Variants in DOCK3 observed in about 807,000 individuals in gnomAD.
DOCK3 encodes the protein dedicator of cytokinesis protein 3.
DOCK3 carries 60 observed loss-of-function variants against 265.6 expected under a neutral mutation model. The ratio of observed to expected loss-of-function variants is 0.23; its 90% CI spans 0.18 to 0.28. DOCK3 has a LOEUF of 0.28. Ranked by LOEUF, DOCK3 falls within the 10% of genes least tolerant of loss-of-function variation. DOCK3 has a pLI of 1.00. For synonymous variants in DOCK3, 881 were observed against 938.0 expected, an observed-to-expected ratio of 0.94 and a Z score of 1.11; for missense variants, 1,981 against 2,594.3, an observed-to-expected ratio of 0.76 and a Z score of 5.14.
intron 22 of DOCK3, among the ~76,000 whole-genome samples, chr3:51,250,031 G>A (rs923305122): frequency 1.3e-5 from 2 of 151,888 alleles, no homozygotes; most frequent in African/African-American, 4.8e-5. Context: ...AATGGATTAA[G>A]GGCGGTGCAA....
chr3:50,698,539 T>TTTTTTTTTTTTTTTTTTTTTTTTTTTTA (rs2035818370), intron 1 of DOCK3, among the ~76,000 whole-genome samples: 1 of 126,148 alleles, frequency 7.9e-6, no homozygotes, highest in Non-Finnish European at 1.6e-5. Flanking sequence ...TTTTTTTTTT[T>TTTTTTTTTTTTTTTTTTTTTTTTTTTTA]TTTGCTATAT....
chr3:51,233,434 C>T (rs1314493117), intron 19 of DOCK3, among the ~76,000 whole-genome samples: 3 of 151,962 alleles, frequency 2.0e-5, no homozygotes, highest in East Asian at 1.9e-4. Context: ...GGCGTGATCT[C>T]GGCTCACTGC....
intron 12 of DOCK3, among the ~76,000 whole-genome samples, chr3:51,206,291 A>G (rs781709673): frequency 2.0e-5 from 3 of 152,232 alleles, no homozygotes; most frequent in Non-Finnish European, 2.9e-5. Flanking sequence ...TTGTTCAACA[A>G]ATATTATATT....
At chr3:51,054,489 G>C (rs1362180159) in intron 5 of DOCK3, among the ~76,000 whole-genome samples, 1 of 152,050 alleles carries the variant, frequency 6.6e-6, no homozygotes, top group Non-Finnish European at 1.5e-5. Flanking sequence ...AATTCTTTTA[G>C]CCTAAAAGCT....
chr3:51,101,745 G>A (rs2083099080), intron 9 of DOCK3, among the ~76,000 whole-genome samples: 1 of 152,076 alleles, frequency 6.6e-6, no homozygotes, highest in Non-Finnish European at 1.5e-5. Flanking sequence ...ATCTATAGTT[G>A]CAAAAAAGGC....
chr3:50,995,648 G>C (rs1409915138), intron 5 of DOCK3, among the ~76,000 whole-genome samples: 1 of 152,212 alleles, frequency 6.6e-6, no homozygotes, highest in Non-Finnish European at 1.5e-5. Context: ...AAGACAGTGA[G>C]TATTACAGGC....
At chr3:51,339,829 T>G (rs1487446864) in intron 37 of DOCK3, among the ~76,000 whole-genome samples, 1 of 152,234 alleles carries the variant, frequency 6.6e-6, no homozygotes, top group African/African-American at 2.4e-5. Flanking sequence ...ATTTGTGTGA[T>G]AGATCAGGAA....
intron 7 of DOCK3, among the ~76,000 whole-genome samples, chr3:51,079,122 A>G (rs1164178609): frequency 6.6e-6 from 1 of 152,206 alleles, no homozygotes; most frequent in Non-Finnish European, 1.5e-5. Context: ...GAAATTATGA[A>G]GACTTTATAT....
At chr3:50,947,718 T>A (rs867011226) in intron 5 of DOCK3, among the ~76,000 whole-genome samples, 9 of 152,140 alleles carry the variant, frequency 5.9e-5, no homozygotes, top group Non-Finnish European at 8.8e-5. Flanking sequence ...GAAAGAAATT[T>A]AAAAAGACCC....
At chr3:50,965,042 T>C (rs1053804360) in intron 5 of DOCK3, among the ~76,000 whole-genome samples, 1 of 152,088 alleles carries the variant, frequency 6.6e-6, no homozygotes, top group Non-Finnish European at 1.5e-5. Flanking sequence ...CTAGAAGACC[T>C]GAACCACCAG....
chr3:51,341,375 A>C lies in DOCK3; in HGVS notation c.3905A>C (p.Asn1302Thr), dbSNP rs759388440. The C allele has an allele frequency of 6.2e-7, 1 of 1,613,688 alleles. No individual in the cohort carries two copies. Among genetic ancestry groups the C allele is most frequent in the Non-Finnish European group, 8.5e-7 (1 of 1,179,798 alleles). ...TGCCGGAAGATCATTCACTACTTCA[A>C]CAAAGGCAAGGTATGCATCATTAGG... is the stretch of plus-strand genomic sequence containing the variant. ...GLCRKIIHYF[N>T]KGKSWEFGIP... Residue 1302 changes from asparagine to threonine, a missense_variant, in exon 38 of 53, where the codon AAC (asparagine) becomes ACC (threonine). Transcript: ENST00000266037.
chr3:50,996,192 T>G (rs2078274783), intron 5 of DOCK3, among the ~76,000 whole-genome samples: 2 of 151,792 alleles, frequency 1.3e-5, no homozygotes, highest in Non-Finnish European at 2.9e-5. Context: ...GATCTCTTAT[T>G]TGCAAGGCTG....
intron 5 of DOCK3, among the ~76,000 whole-genome samples, chr3:51,061,598 A>G (rs1363370321): frequency 6.6e-6 from 1 of 152,048 alleles, no homozygotes; most frequent in Admixed American, 6.6e-5. Flanking sequence ...GCATTTGGAG[A>G]TATACCTAAC....
At chr3:51,041,748 C>T (rs1012037440) in intron 5 of DOCK3, among the ~76,000 whole-genome samples, 3 of 152,144 alleles carry the variant, frequency 2.0e-5, no homozygotes, top group African/African-American at 4.8e-5. Context: ...AGTAAACTAG[C>T]TGTAAACAGA....
At chr3:51,326,590 T>C (rs2355948) in intron 32 of DOCK3, among the ~76,000 whole-genome samples, 7,274 of 36,518 alleles carry the variant, frequency 0.2, 519 homozygotes, top group East Asian at 0.5. Flanking sequence ...TGTTTTGTTG[T>C]TGTTGTTGTT....
intron 4 of DOCK3, among the ~76,000 whole-genome samples, chr3:50,905,973 G>T (rs1029177302): frequency 2.6e-5 from 4 of 152,078 alleles, no homozygotes; most frequent in Admixed American, 2.6e-4. Flanking sequence ...TTAGCATGAA[G>T]GGCTGTTGAA....
chr3:50,694,582 G>A lies in DOCK3; in HGVS notation c.37+19282G>A, dbSNP rs538062737. ...CCAGCACTTTGGGAGGCCAAAGCGG[G>A]CAGATCACTTAAGGCCAGGAGTTTG... On this transcript the variant is annotated intron_variant, in intron 1 of 52. Transcript: ENST00000266037. Among the ~76,000 whole-genome samples, 136 of 152,330 alleles carry A rather than the reference G, an allele frequency of 8.9e-4. 2 individuals carry two copies. Among genetic ancestry groups the A allele is most frequent in the African/African-American group, 2.7e-3 (114 of 41,580 alleles).
chr3:50,985,841 AT>A (rs1247132502), intron 5 of DOCK3, among the ~76,000 whole-genome samples: 2 of 151,704 alleles, frequency 1.3e-5, no homozygotes, highest in East Asian at 1.9e-4. Context: ...AATTAATTAA[AT>A]TAAATAAATT....
intron 5 of DOCK3, among the ~76,000 whole-genome samples, chr3:50,953,340 A>G (rs2076643234): frequency 6.6e-6 from 1 of 152,156 alleles, no homozygotes; most frequent in African/African-American, 2.4e-5. Context: ...AAGAAGATAA[A>G]GTCTTCACAT....
Sources: gnomAD v4.1 joint callset for allele counts (sites outside exome capture counted in the v4.1 genomes callset) on GRCh38, gnomAD v4.1.1 for gene constraint, MANE v1.5 for transcripts, NCBI Gene and HGNC (gene_info 2026-07-23, HGNC 2026-07-21) for gene names.